Variants in NEDD4L observed in about 807,000 individuals in gnomAD.
NEDD4L encodes NEDD4 like E3 ubiquitin protein ligase, also known as E3 ubiquitin-protein ligase NEDD4-like.
In NEDD4L, 54 loss-of-function variants were observed where a neutral mutation model predicts 148.9. That is an observed-to-expected ratio of 0.36 (90% CI 0.29 to 0.45). NEDD4L has a LOEUF of 0.45. Among genes scored for constraint, NEDD4L ranks in the 20% least tolerant of loss-of-function variants. NEDD4L has a pLI of 1.00. For missense variants in NEDD4L, 856 were observed against 1,233.8 expected, an observed-to-expected ratio of 0.69 and a Z score of 4.59; for synonymous variants, 433 against 440.7, an observed-to-expected ratio of 0.98 and a Z score of 0.22.
At chr18:58,075,890 C>A (rs1028665695) in intron 1 of NEDD4L, among the ~76,000 whole-genome samples, 3 of 152,064 alleles carry the variant, frequency 2.0e-5, no homozygotes, top group Admixed American at 1.3e-4. Context: ...GATTGCACCA[C>A]GGCACTCCAG....
intron 1 of NEDD4L, among the ~76,000 whole-genome samples, chr18:58,073,239 A>T (rs1415427505): frequency 1.3e-5 from 2 of 152,138 alleles, no homozygotes; most frequent in African/African-American, 4.8e-5. Flanking sequence ...TCAGAAATTA[A>T]CAAGTTTATT....
chr18:58,280,530 G>A (rs115737041), intron 5 of NEDD4L, among the ~76,000 whole-genome samples: 2,672 of 152,278 alleles, frequency 0.018, 89 homozygotes, highest in African/African-American at 0.061. Context: ...GGCAGAGCGA[G>A]CACAAGTCTG....
At chr18:58,128,565 C>T (rs1347481915) in intron 1 of NEDD4L, among the ~76,000 whole-genome samples, 1 of 152,192 alleles carries the variant, frequency 6.6e-6, no homozygotes, top group Non-Finnish European at 1.5e-5. Context: ...TCCCTTGTCC[C>T]TCTTCCATTG....
At chr18:58,285,738 G>A (rs531951280) in intron 5 of NEDD4L, among the ~76,000 whole-genome samples, 10 of 152,074 alleles carry the variant, frequency 6.6e-5, no homozygotes, top group Non-Finnish European at 1.2e-4. Context: ...TTTGAAAGCT[G>A]GCTCTTTCTA....
intron 1 of NEDD4L, among the ~76,000 whole-genome samples, chr18:58,165,132 C>T (rs544020995): frequency 6.6e-6 from 1 of 152,298 alleles, no homozygotes; most frequent in African/African-American, 2.4e-5. Context: ...GGAGCATATT[C>T]ATGTCGGTAT....
intron 5 of NEDD4L, among the ~76,000 whole-genome samples, chr18:58,267,389 A>C (rs2050367667): frequency 6.6e-6 from 1 of 152,016 alleles, no homozygotes; most frequent in South Asian, 2.1e-4. Context: ...TCTCTCATGA[A>C]AATGTAACAG....
intron 18 of NEDD4L, 96 bp downstream of exon 18, chr18:58,351,141 T>C (rs2043832278): frequency 1.3e-6 from 2 of 1,537,442 alleles, no homozygotes; most frequent in Non-Finnish European, 1.8e-6. Flanking sequence ...TTACTCTTTA[T>C]CTAGGCAGCC....
chr18:58,365,181 C>T (rs973991015), intron 20 of NEDD4L, among the ~76,000 whole-genome samples: 1 of 152,206 alleles, frequency 6.6e-6, no homozygotes, highest in African/African-American at 2.4e-5. Flanking sequence ...TTCCAAAGTC[C>T]TGATTCAAGA....
chr18:58,294,243 C>T (rs1442391953), intron 5 of NEDD4L, among the ~76,000 whole-genome samples: 1 of 152,098 alleles, frequency 6.6e-6, no homozygotes, highest in Non-Finnish European at 1.5e-5. Flanking sequence ...TTTAGATAAC[C>T]AAGATAAATG....
chr18:58,160,377 T>C (rs922414424), intron 1 of NEDD4L, among the ~76,000 whole-genome samples: 1 of 152,162 alleles, frequency 6.6e-6, no homozygotes, highest in African/African-American at 2.4e-5. Context: ...CAAAATTCAG[T>C]GTAAAAGAAA....
Position 58,359,168 on chromosome 18 carries a change from G to A in NEDD4L, c.1767+1916G>A, listed in dbSNP as rs1452730076. Among the ~76,000 whole-genome samples, 110 of 151,904 alleles carry A rather than the reference G, an allele frequency of 7.2e-4. 4 individuals are homozygous for A. Among genetic ancestry groups the A allele is most frequent in the Admixed American group, 7.2e-3 (110 of 15,278 alleles). On this transcript the variant is annotated intron_variant, in intron 19 of 30. Coordinates refer to ENST00000400345, the MANE Select transcript of NEDD4L (RefSeq NM_001144967.3). Reference sequence around the variant, plus strand: ...TCTCTGTGGTGACTGTTGCCCTGTCGATGTTGTCTGAGGTGTATATAACTA... The same window carrying A: ...TCTCTGTGGTGACTGTTGCCCTGTCAATGTTGTCTGAGGTGTATATAACTA...
intron 5 of NEDD4L, among the ~76,000 whole-genome samples, chr18:58,282,718 G>A (rs1436560682): frequency 6.6e-6 from 1 of 152,156 alleles, no homozygotes; most frequent in East Asian, 1.9e-4. Context: ...TTTTGCTACT[G>A]TATATGAGCT....
intron 1 of NEDD4L, among the ~76,000 whole-genome samples, chr18:58,141,715 A>G (rs183803278): frequency 1.3e-5 from 2 of 152,348 alleles, no homozygotes; most frequent in Admixed American, 1.3e-4. Context: ...CATGTATTAT[A>G]TATGTGCATG....
At chr18:58,245,324 A>G (rs909428759) in intron 2 of NEDD4L, 103 bp from the exon 3 acceptor site, 4 of 596,592 alleles carry the variant, frequency 6.7e-6, no homozygotes, top group African/African-American at 3.8e-5. Context: ...GAAATAATAC[A>G]AGCTGAGACT....
intron 2 of NEDD4L, among the ~76,000 whole-genome samples, chr18:58,235,547 AT>A (rs1849201736): frequency 6.6e-6 from 1 of 152,156 alleles, no homozygotes; most frequent in East Asian, 1.9e-4. Context: ...TCCAGGATGA[AT>A]TCCCTGAGTA....
At chr18:58,127,135 G>T (rs2031263907) in intron 1 of NEDD4L, among the ~76,000 whole-genome samples, 1 of 152,188 alleles carries the variant, frequency 6.6e-6, no homozygotes, top group Non-Finnish European at 1.5e-5. Flanking sequence ...CCTCCTGGCG[G>T]ACCAGAGCTA....
chr18:58,107,662 T>C (rs1472033241), intron 1 of NEDD4L, among the ~76,000 whole-genome samples: 1 of 150,464 alleles, frequency 6.6e-6, no homozygotes, highest in Non-Finnish European at 1.5e-5. Flanking sequence ...AAGTCTGCAG[T>C]GAGCAAAGAT....
intron 1 of NEDD4L, among the ~76,000 whole-genome samples, chr18:58,057,568 G>C (rs1364074842): frequency 1.3e-5 from 2 of 152,150 alleles, no homozygotes; most frequent in Non-Finnish European, 2.9e-5. Context: ...GTGCTGCTTG[G>C]CATTAGTCTG....
rs552736285 is a variant in NEDD4L at position 58,194,804 on chromosome 18, T to A, written c.122+28943T>A. ...AGGTGAAAGGGGTGACTGGTTGATT[T>A]CGGATAATACTTTTAGAGCCACGGG... On this transcript the variant is annotated intron_variant, in intron 2 of 30. Coordinates refer to ENST00000400345, the MANE Select transcript of NEDD4L (RefSeq NM_001144967.3). Among the ~76,000 whole-genome samples the A allele has an allele frequency of 1.7e-3, 256 of 152,348 alleles. 1 individual carries two copies. Among genetic ancestry groups the A allele is most frequent in the African/African-American group, 5.8e-3 (241 of 41,570 alleles).
Sources: allele counts gnomAD v4.1 joint callset (sites outside exome capture counted in the v4.1 genomes callset), GRCh38; gene constraint gnomAD v4.1.1; transcripts MANE v1.5; gene names NCBI Gene and HGNC (gene_info 2026-07-23, HGNC 2026-07-21).